The following SMOC2 variants were observed in gnomAD, a reference collection of about 807,000 sequenced individuals.
SMOC2 encodes SPARC related modular calcium binding 2, also known as SPARC-related modular calcium-binding protein 2.
SMOC2 carries 39 observed loss-of-function variants against 61.4 expected under a neutral mutation model. That is an observed-to-expected ratio of 0.64 (90% CI 0.49 to 0.83). SMOC2 has a LOEUF of 0.83. Among genes scored for constraint, SMOC2 ranks in the 40% least tolerant of loss-of-function variants. SMOC2 has a pLI of 0.00. For missense variants in SMOC2, 556 were observed against 592.9 expected (o/e 0.94, Z 0.65); for synonymous variants, 247 against 239.9 (o/e 1.03, Z -0.27).
chr6:168,536,246 C>T (rs182896744), intron 4 of SMOC2, among the ~76,000 whole-genome samples: 1 of 152,278 alleles, frequency 6.6e-6, no homozygotes, highest in Non-Finnish European at 1.5e-5. Flanking sequence ...AACACGGGAT[C>T]CTAGGATGGT....
At chr6:168,549,907 T>C (rs1784090975) in intron 7 of SMOC2, among the ~76,000 whole-genome samples, 1 of 152,226 alleles carries the variant, frequency 6.6e-6, no homozygotes, top group African/African-American at 2.4e-5. Context: ...TAAAACACTT[T>C]GCTAATTTAG....
intron 4 of SMOC2, among the ~76,000 whole-genome samples, chr6:168,533,356 T>C (rs925003992): frequency 6.6e-6 from 1 of 152,254 alleles, no homozygotes; most frequent in African/African-American, 2.4e-5. Flanking sequence ...GCCTAAAGTC[T>C]TGTCCTCCAT....
At chr6:168,609,228 C>T (rs1785790506) in intron 9 of SMOC2, among the ~76,000 whole-genome samples, 1 of 152,208 alleles carries the variant, frequency 6.6e-6, no homozygotes, top group South Asian at 2.1e-4. Flanking sequence ...TTGGTAAACA[C>T]CGTGCAGCTC....
intron 1 of SMOC2, among the ~76,000 whole-genome samples, chr6:168,498,589 C>T (rs889794573): frequency 5.9e-5 from 9 of 152,256 alleles, no homozygotes; most frequent in Non-Finnish European, 1.0e-4. Flanking sequence ...CTTTTCTGAT[C>T]GCCCTTCCTG....
At chr6:168,659,715 T>TGGAGATTGTTGGCTG (rs1562410943) in intron 11 of SMOC2, among the ~76,000 whole-genome samples, 1 of 149,300 alleles carries the variant, frequency 6.7e-6, no homozygotes. Context: ...GGTTGTAGGC[T>TGGAGATTGTTGGCTG]GAGTGAGGGT....
At chr6:168,522,818 G>A (rs377766286) in intron 2 of SMOC2, among the ~76,000 whole-genome samples, 1 of 152,182 alleles carries the variant, frequency 6.6e-6, no homozygotes, top group Non-Finnish European at 1.5e-5. Flanking sequence ...AGGATACCTC[G>A]TGTGTGATTG....
At chr6:168,462,509 T>G (rs1781739182) in intron 1 of SMOC2, among the ~76,000 whole-genome samples, 1 of 151,842 alleles carries the variant, frequency 6.6e-6, no homozygotes, top group African/African-American at 2.4e-5. Flanking sequence ...AGGAGGGTGG[T>G]CCCCTGTCCT....
intron 2 of SMOC2, among the ~76,000 whole-genome samples, chr6:168,521,736 G>T (rs1314943331): frequency 2.0e-5 from 3 of 152,224 alleles, no homozygotes; most frequent in Admixed American, 6.5e-5. Context: ...TAAAAAATTT[G>T]CCAGTCGTGG....
chr6:168,517,877 C>T lies in SMOC2; in HGVS notation c.256+7791C>T, dbSNP rs560035849. Among the ~76,000 whole-genome samples, 841 of 152,320 alleles carry T rather than the reference C, an allele frequency of 5.5e-3. 6 individuals are homozygous for T. Among genetic ancestry groups the T allele is most frequent in the Non-Finnish European group, 6.9e-3 (471 of 68,022 alleles). On this transcript the variant is annotated intron_variant, in intron 2 of 12. Transcript: ENST00000356284. Reference sequence around the variant, plus strand: ...GGCGGGCTCTGCAGGTGTCCCGATGCCCAGCCCAGCTCCAGACTCTCAGGG... The same window carrying T: ...GGCGGGCTCTGCAGGTGTCCCGATGTCCAGCCCAGCTCCAGACTCTCAGGG...
At chr6:168,569,480 A>G (rs557631120) in intron 7 of SMOC2, among the ~76,000 whole-genome samples, 16 of 152,276 alleles carry the variant, frequency 1.1e-4, no homozygotes, top group Admixed American at 5.9e-4. Flanking sequence ...TCACTCTGTC[A>G]CCCAGGCTGG....
intron 7 of SMOC2, among the ~76,000 whole-genome samples, chr6:168,558,410 G>A (rs1309880621): frequency 6.6e-6 from 1 of 152,130 alleles, no homozygotes; most frequent in Non-Finnish European, 1.5e-5. Flanking sequence ...CATGCCATCA[G>A]TCCCCCTGGA....
At chr6:168,579,562 G>C (rs553086695) in intron 7 of SMOC2, among the ~76,000 whole-genome samples, 2 of 152,202 alleles carry the variant, frequency 1.3e-5, no homozygotes, top group African/African-American at 4.8e-5. Context: ...GAATAAAGTC[G>C]CATTTCTGTA....
chr6:168,629,043 C>G (rs1432763627), intron 9 of SMOC2, among the ~76,000 whole-genome samples: 1 of 152,246 alleles, frequency 6.6e-6, no homozygotes, highest in Admixed American at 6.5e-5. Context: ...TTTCAGCTCT[C>G]TCTTCTCTGG....
At chr6:168,608,052 A>G (rs1174929600) in intron 8 of SMOC2, 105 bp from the exon 9 acceptor site, 1 of 974,388 alleles carries the variant, frequency 1.0e-6, no homozygotes. Context: ...GCCACAGGTC[A>G]CGGTGTATGC....
intron 1 of SMOC2, among the ~76,000 whole-genome samples, chr6:168,483,942 A>C (rs1309614453): frequency 6.6e-6 from 1 of 152,202 alleles, no homozygotes; most frequent in African/African-American, 2.4e-5. Flanking sequence ...TAATTAACTC[A>C]AAATGGATTA....
chr6:168,597,762 C>A (rs769904752), intron 7 of SMOC2, among the ~76,000 whole-genome samples: 35 of 152,212 alleles, frequency 2.3e-4, no homozygotes, highest in Admixed American at 8.5e-4. Context: ...CCTGCTGCTC[C>A]ACCTGCGTGT....
chr6:168,516,825 G>A (rs1366399897), intron 2 of SMOC2, among the ~76,000 whole-genome samples: 2 of 152,170 alleles, frequency 1.3e-5, no homozygotes, highest in Admixed American at 1.3e-4. Flanking sequence ...GTAGTGTCAG[G>A]TGCCTGTAAT....
chr6:168,558,435 C>A (rs1583107638), intron 7 of SMOC2, among the ~76,000 whole-genome samples: 1 of 152,152 alleles, frequency 6.6e-6, no homozygotes, highest in Non-Finnish European at 1.5e-5. Context: ...TTCTTCCCAT[C>A]GAAGTTATTG....
At chr6:168,601,179 A>G (rs1297008572) in intron 8 of SMOC2, among the ~76,000 whole-genome samples, 1 of 152,206 alleles carries the variant, frequency 6.6e-6, no homozygotes, top group South Asian at 2.1e-4. Flanking sequence ...TGTAGTTTCC[A>G]GGGGCTCAAG....
Sources: allele counts gnomAD v4.1 joint callset (sites outside exome capture counted in the v4.1 genomes callset), GRCh38; gene constraint gnomAD v4.1.1; transcripts MANE v1.5; gene names NCBI Gene and HGNC (gene_info 2026-07-23, HGNC 2026-07-21).